NCAPH: variants seen among roughly 807,000 people sequenced by gnomAD.
The protein encoded by NCAPH is non-SMC condensin I complex subunit H.
In NCAPH, 38 loss-of-function variants were observed where a neutral mutation model predicts 85.5. The observed-to-expected ratio is 0.44, with a 90% CI of 0.34 to 0.58. The LOEUF is 0.58. Among genes scored for constraint, NCAPH ranks in the 20% least tolerant of loss-of-function variants. NCAPH has a pLI of 0.01. For synonymous variants in NCAPH, 301 were observed against 335.1 expected (o/e 0.90, Z 1.11); for missense variants, 789 against 916.6 (o/e 0.86, Z 1.80).
At chr2:96,363,361 G>A (rs1434824320) in intron 12 of NCAPH, among the ~76,000 whole-genome samples, 1 of 152,118 alleles carries the variant, frequency 6.6e-6, no homozygotes, top group Non-Finnish European at 1.5e-5. Context: ...TGTGCCCAGA[G>A]GAGAGTATTC....
At chr2:96,362,031 G>A (rs993131425) in intron 12 of NCAPH, among the ~76,000 whole-genome samples, 12 of 151,116 alleles carry the variant, frequency 7.9e-5, no homozygotes, top group African/African-American at 1.2e-4. Context: ...GGCGTGAGCC[G>A]TTACACCTGG....
chr2:96,354,490 TTC>T, intron 9 of NCAPH, 102 bp downstream of exon 9: 1 of 1,059,318 alleles, frequency 9.4e-7, no homozygotes. Context: ...TTCTTTTTTT[TTC>T]CCCCCCCAAA....
chr2:96,366,706 G>A (rs1449588195), intron 14 of NCAPH, among the ~76,000 whole-genome samples: 2 of 151,828 alleles, frequency 1.3e-5, no homozygotes, highest in African/African-American at 2.4e-5. Context: ...GTGAAACCCC[G>A]TCTTTAATAA....
At position 96,351,983 on chromosome 2, in the gene NCAPH, G is replaced by A. The variant is rs942850324; in HGVS notation, c.873G>A (p.Leu291=). The change falls in exon 7 of 18, where the codon TTG becomes TTA. Residue 291 remains leucine (L), a synonymous_variant. Transcript: ENST00000240423. ...QTLSTGEPLE[L]PELGCVEMTD... ...TCTCCACGGGAGAACCTCTCGAGTT[G>A]CCAGAGTTAGGTTGTGTAGAAATGA... is the stretch of plus-strand genomic sequence containing the variant. The A allele has an allele frequency of 6.2e-7, 1 of 1,613,944 alleles. No individual in the cohort carries two copies. Among genetic ancestry groups the A allele is most frequent in the Admixed American group, 1.7e-5 (1 of 59,948 alleles).
intron 4 of NCAPH, 78 bp downstream of exon 4, chr2:96,342,926 T>A (rs2104424962): frequency 1.5e-6 from 2 of 1,329,916 alleles, no homozygotes; most frequent in Non-Finnish European, 2.1e-6. Context: ...CACAGTTGAA[T>A]GCTGCAAATA....
At position 96,364,561 on chromosome 2, in the gene NCAPH, C is replaced by G. The variant is rs377629285; in HGVS notation, c.1668C>G (p.Asn556Lys). 5 of 1,613,264 alleles carry G rather than the reference C, an allele frequency of 3.1e-6. No homozygotes were observed. In the South Asian group the frequency reaches 5.5e-5, roughly 18 times the overall value. Residue 556 changes from asparagine to lysine, a missense_variant, in exon 13 of 18, where the codon AAC (asparagine) becomes AAG (lysine). Transcript: ENST00000240423. ...EIEDYDYNNP[N>K]DTSNFCPGLQ... ...AAGACTATGATTACAACAACCCTAA[C>G]GACACCTCCAACTTTTGCCCTGGAT... is the stretch of plus-strand genomic sequence containing the variant.
At chr2:96,346,330 T>C (rs1047551566) in intron 6 of NCAPH, among the ~76,000 whole-genome samples, 14 of 151,928 alleles carry the variant, frequency 9.2e-5, no homozygotes, top group African/African-American at 2.7e-4. Context: ...TAGGGAGATA[T>C]GGTGTGACTG....
intron 12 of NCAPH, 97 bp downstream of exon 12, chr2:96,360,807 G>A: frequency 6.7e-7 from 1 of 1,482,488 alleles, no homozygotes; most frequent in Admixed American, 1.9e-5. Flanking sequence ...GAGAATGTGA[G>A]GAGTGGTATG....
intron 5 of NCAPH, 68 bp downstream of exon 5, chr2:96,343,372 A>G (rs1222084017): frequency 2.0e-6 from 3 of 1,494,626 alleles, no homozygotes; most frequent in South Asian, 1.4e-5. Context: ...CTTGAGTAAT[A>G]TACTAGAAGA....
At chr2:96,345,376 T>C (rs1026506045) in intron 6 of NCAPH, among the ~76,000 whole-genome samples, 24 of 152,134 alleles carry the variant, frequency 1.6e-4, no homozygotes, top group African/African-American at 5.8e-4. Context: ...AACGGGGGCA[T>C]GCTGGCTGGT....
intron 4 of NCAPH, 122 bp downstream of exon 4, chr2:96,342,970 T>C: frequency 2.6e-6 from 3 of 1,164,476 alleles, no homozygotes; most frequent in Non-Finnish European, 3.7e-6. Context: ...GTTATGTTAG[T>C]TAATTTACTT....
rs781353959 is a variant in NCAPH at position 96,364,579 on chromosome 2, C to T, written c.1686C>T (p.Cys562=). Residue 562 remains cysteine, a synonymous_variant, in exon 13 of 18, where the codon TGC becomes TGT. Transcript: ENST00000240423. Reference sequence around the variant, plus strand: ...ACCCTAACGACACCTCCAACTTTTGCCCTGGATTACAGGTAAAGGGGGGAA... The same window carrying T: ...ACCCTAACGACACCTCCAACTTTTGTCCTGGATTACAGGTAAAGGGGGGAA... ...YNNPNDTSNF[C]PGLQAADSDD... 1.2e-6 allele frequency: 2 copies of T among 1,609,692 alleles called. No homozygotes were observed. The highest frequency in any genetic ancestry group is 1.7e-5 in the Admixed American group (1 of 60,010).
intron 1 of NCAPH, 148 bp downstream of exon 1, chr2:96,335,996 C>T: frequency 5.4e-6 from 1 of 186,292 alleles, no homozygotes; most frequent in Non-Finnish European, 1.2e-5. Flanking sequence ...GAGGCCGGTG[C>T]GGGGGGAGGG....
chr2:96,361,542 C>T (rs1205336308), intron 12 of NCAPH, among the ~76,000 whole-genome samples: 2 of 151,788 alleles, frequency 1.3e-5, no homozygotes, highest in Admixed American at 1.3e-4. Flanking sequence ...TTCTGAATTA[C>T]CTGGTGTTGC....
chr2:96,350,286 G>C (rs1013691881), intron 6 of NCAPH, among the ~76,000 whole-genome samples: 1 of 152,168 alleles, frequency 6.6e-6, no homozygotes, highest in African/African-American at 2.4e-5. Context: ...TATAATTCTA[G>C]ACACAAGTGA....
intron 13 of NCAPH, among the ~76,000 whole-genome samples, chr2:96,364,837 A>T (rs747537421): frequency 6.6e-6 from 1 of 152,200 alleles, no homozygotes; most frequent in African/African-American, 2.4e-5. Context: ...ACTCAAGTGA[A>T]TGCGTCGACA....
At position 96,376,402 on chromosome 2, in the gene NCAPH, T is replaced by TTGAATTGAACAAGGACAGATATC. The variant is rs2064832130; in HGVS notation, c.*3056_*3078dup. Among the ~76,000 whole-genome samples, 1 of 152,160 alleles carries TTGAATTGAACAAGGACAGATATC rather than the reference T, an allele frequency of 6.6e-6. No homozygotes were observed. The highest frequency in any genetic ancestry group is 1.5e-5 in the Non-Finnish European group (1 of 68,026). ...GGAAGAGGGAACCAGGCATTACAAA[T>TTGAATTGAACAAGGACAGATATC]TGAATTGAACAAGGACAGATATCTG... On this transcript the variant is annotated 3_prime_UTR_variant, in exon 18 of 18. Coordinates refer to ENST00000240423, the MANE Select transcript of NCAPH (RefSeq NM_015341.5).
chr2:96,340,666 A>G (rs995747614), intron 1 of NCAPH, among the ~76,000 whole-genome samples: 1 of 151,952 alleles, frequency 6.6e-6, no homozygotes, highest in Non-Finnish European at 1.5e-5. Flanking sequence ...TTGGGATTAC[A>G]GGCATGAGCC....
intron 6 of NCAPH, among the ~76,000 whole-genome samples, chr2:96,347,489 A>G (rs565589719): frequency 1.2e-3 from 185 of 152,274 alleles, no homozygotes; most frequent in African/African-American, 4.3e-3. Flanking sequence ...TGAGAACACC[A>G]TTGAGAATAC....
Sources: allele counts gnomAD v4.1 joint callset (sites outside exome capture counted in the v4.1 genomes callset), GRCh38; gene constraint gnomAD v4.1.1; transcripts MANE v1.5; gene names NCBI Gene and HGNC (gene_info 2026-07-23, HGNC 2026-07-21).